The following EPSTI1 variants were observed in gnomAD, a reference collection of about 807,000 sequenced individuals.
EPSTI1 encodes epithelial stromal interaction 1.
EPSTI1 carries 66 observed loss-of-function variants against 49.9 expected under a neutral mutation model. That is an observed-to-expected ratio of 1.32 (90% confidence interval 1.08 to 1.62). The LOEUF (loss-of-function observed/expected upper bound fraction) is 1.62. EPSTI1 is among the 40% of genes most tolerant of loss of function. EPSTI1 has a pLI of 0.00. For synonymous variants in EPSTI1, 137 were observed against 130.7 expected, an observed-to-expected ratio of 1.05 and a Z score of -0.33; for missense variants, 394 against 365.5, an observed-to-expected ratio of 1.08 and a Z score of -0.64.
rs1441591248 is a variant in EPSTI1, at chr13:42,921,949, C to T, written c.658-4325G>A. Among the ~76,000 whole-genome samples, 5 of 151,796 alleles carry T rather than the reference C, an allele frequency of 3.3e-5. No individual in the cohort carries two copies. In the South Asian group the frequency reaches 6.2e-4, roughly 19 times the overall value. On this transcript the variant is annotated intron_variant, in intron 7 of 10. Coordinates refer to ENST00000313624, the MANE Select transcript of EPSTI1 (RefSeq NM_033255.5). The stretch of plus-strand genomic sequence containing the variant: ...TTGCGTCAAGAGGCATTTTGTAGAA[C>T]AGTCACAAAAGCTGTCAGAAGACAG...
intron 1 of EPSTI1, among the ~76,000 whole-genome samples, chr13:42,981,955 C>T (rs1490564332): frequency 6.6e-6 from 1 of 151,744 alleles, no homozygotes; most frequent in Non-Finnish European, 1.5e-5. Flanking sequence ...AAAAAAATCA[C>T]TGTAAGTTAC....
intron 6 of EPSTI1, among the ~76,000 whole-genome samples, chr13:42,937,817 C>G (rs2038614833): frequency 6.6e-6 from 1 of 152,132 alleles, no homozygotes; most frequent in Non-Finnish European, 1.5e-5. Flanking sequence ...TTTTGACCTC[C>G]TCCCATGAAT....
chr13:42,970,551 A>C (rs1425927944), intron 2 of EPSTI1, 61 bp downstream of exon 2: 5 of 1,457,530 alleles, frequency 3.4e-6, no homozygotes, highest in Non-Finnish European at 4.7e-6. Context: ...CTTCACACCA[A>C]AACAAACCAA....
At position 42,985,657 on chromosome 13, in the gene EPSTI1, A is replaced by G. The variant is rs1441623878; in HGVS notation, c.188+6321T>C. On this transcript the variant is annotated intron_variant, in intron 1 of 10. Transcript: ENST00000313624. The stretch of plus-strand genomic sequence containing the variant: ...AGTCTTCCAGCAAAAGTTGCCTAAT[A>G]GAGGAGTTCTGCATGGGCCAGGAAT... Among the ~76,000 whole-genome samples, 4 of 152,248 alleles carry G rather than the reference A, an allele frequency of 2.6e-5. 1 individual carries two copies. Among genetic ancestry groups the G allele is most frequent in the Non-Finnish European group, 5.9e-5 (4 of 68,030 alleles).
At chr13:42,975,540 T>C (rs139879173) in intron 1 of EPSTI1, among the ~76,000 whole-genome samples, 389 of 152,280 alleles carry the variant, frequency 2.6e-3, no homozygotes, top group African/African-American at 9.1e-3. Context: ...CCTTTGTTTA[T>C]AGGATGCCTT....
chr13:42,979,467 A>G (rs1163648864), intron 1 of EPSTI1, among the ~76,000 whole-genome samples: 3 of 152,060 alleles, frequency 2.0e-5, no homozygotes. Flanking sequence ...CTGTAGTCCC[A>G]GCTACTCAGG....
At chr13:42,909,484 C>T (rs1190564298) in intron 8 of EPSTI1, among the ~76,000 whole-genome samples, 1 of 152,262 alleles carries the variant, frequency 6.6e-6, no homozygotes, top group East Asian at 1.9e-4. Context: ...GATATCTGCA[C>T]CCCCATGTTT....
chr13:42,976,180 C>G (rs1342380343), intron 1 of EPSTI1, among the ~76,000 whole-genome samples: 2 of 152,214 alleles, frequency 1.3e-5, no homozygotes, highest in Non-Finnish European at 2.9e-5. Context: ...TGAGCACCAG[C>G]TTATTTACAT....
intron 8 of EPSTI1, among the ~76,000 whole-genome samples, chr13:42,903,753 T>C (rs889021967): frequency 1.3e-5 from 2 of 152,204 alleles, no homozygotes; most frequent in African/African-American, 4.8e-5. Flanking sequence ...ATAAATTTTA[T>C]AGAAGTCTAA....
intron 1 of EPSTI1, among the ~76,000 whole-genome samples, chr13:42,990,322 A>G (rs1030936030): frequency 1.4e-4 from 21 of 152,222 alleles, no homozygotes; most frequent in African/African-American, 4.6e-4. Context: ...ATAACCCATC[A>G]GAAAGCTGCC....
At position 42,909,125 on chromosome 13, in the gene EPSTI1, AG is replaced by A. The variant is rs1456651459; in HGVS notation, c.741+8415del. Reference sequence around the variant, plus strand: ...AATAACAATTTAAAAAATAGGCAAAAGGCCTGTGTAGCTATTTCTTGAAAGA... The same window carrying A: ...AATAACAATTTAAAAAATAGGCAAAAGCCTGTGTAGCTATTTCTTGAAAGA... On this transcript the variant is annotated intron_variant, in intron 8 of 10. Coordinates refer to ENST00000313624, the MANE Select transcript of EPSTI1 (RefSeq NM_033255.5). Among the ~76,000 whole-genome samples the A allele has an allele frequency of 1.1e-4, 16 of 152,194 alleles. No individual in the cohort carries two copies. The East Asian group carries it at 3.1e-3, about 29-fold the overall frequency.
intron 7 of EPSTI1, among the ~76,000 whole-genome samples, chr13:42,925,977 T>C (rs1367792863): frequency 1.2e-5 from 1 of 86,658 alleles, no homozygotes; most frequent in Non-Finnish European, 2.5e-5. Context: ...AGGCCTTATA[T>C]AGACCTATGA....
intron 5 of EPSTI1, among the ~76,000 whole-genome samples, chr13:42,956,042 T>C (rs1249703989): frequency 1.3e-5 from 2 of 152,128 alleles, no homozygotes; most frequent in Non-Finnish European, 2.9e-5. Flanking sequence ...TACAGCCTCG[T>C]TGGGGACACA....
intron 6 of EPSTI1, among the ~76,000 whole-genome samples, chr13:42,941,718 T>C (rs1269382393): frequency 6.6e-6 from 1 of 151,192 alleles, no homozygotes; most frequent in African/African-American, 2.4e-5. Context: ...ACTGTGGCTT[T>C]CTAGGATTTG....
chr13:42,956,449 G>A (rs2039274065), intron 5 of EPSTI1, among the ~76,000 whole-genome samples: 2 of 152,190 alleles, frequency 1.3e-5, no homozygotes, highest in South Asian at 2.1e-4. Flanking sequence ...GGTAGGAACA[G>A]GGTTACTACA....
intron 8 of EPSTI1, among the ~76,000 whole-genome samples, chr13:42,915,121 A>T (rs946801681): frequency 6.6e-6 from 1 of 152,226 alleles, no homozygotes; most frequent in Non-Finnish European, 1.5e-5. Context: ...CAAACACATA[A>T]ATGGATGCAA....
chr13:42,964,250 C>A, intron 3 of EPSTI1, 111 bp from the exon 4 acceptor site: 1 of 737,234 alleles, frequency 1.4e-6, no homozygotes, highest in Non-Finnish European at 2.1e-6. Flanking sequence ...CCTTAACATT[C>A]TCATGCTCTT....
In EPSTI1 at chr13:42,904,175, G is replaced by A. The variant is rs147961286; in HGVS notation, c.742-3792C>T. Among the ~76,000 whole-genome samples the A allele has an allele frequency of 3.3e-3, 495 of 152,300 alleles. 7 individuals carry two copies. Among genetic ancestry groups the A allele is most frequent in the Admixed American group, 0.028 (423 of 15,294 alleles). On this transcript the variant is annotated intron_variant, in intron 8 of 10. Transcript: ENST00000313624. The stretch of plus-strand genomic sequence containing the variant: ...AGGCAGAGGATTAAAACACACTGAT[G>A]TGAGATTCAGTGGTTCAGTGACTAT...
rs763871689 is a variant in EPSTI1, at chr13:42,919,376, C to G, written c.658-1752G>C. 10 of 1,581,810 alleles carry G rather than the reference C, an allele frequency of 6.3e-6. No individual in the cohort carries two copies. In the South Asian group the frequency reaches 1.0e-4, roughly 16 times the overall value. ...AGGGAATAAATTGATCACTATTTTT[C>G]TTAGCTCTAAACACCAGAAATTTCT... On this transcript the variant is annotated intron_variant, in intron 7 of 10. Coordinates refer to ENST00000313624, the MANE Select transcript of EPSTI1 (RefSeq NM_033255.5).
Sources: allele counts gnomAD v4.1 joint callset (sites outside exome capture counted in the v4.1 genomes callset), GRCh38; gene constraint gnomAD v4.1.1; transcripts MANE v1.5; gene names NCBI Gene and HGNC (gene_info 2026-07-23, HGNC 2026-07-21).